RALYL: variants seen among roughly 807,000 people sequenced by gnomAD.
RALYL encodes the protein RNA-binding Raly-like protein.
Under a neutral mutation model 35.1 loss-of-function variants are expected in RALYL, and 29 were observed. The ratio of observed to expected loss-of-function variants is 0.83; its 90% CI spans 0.61 to 1.13. The LOEUF (loss-of-function observed/expected upper bound fraction) is 1.13, where lower values mean the gene tolerates loss of function less well. Among genes scored for constraint, RALYL ranks in the 50% most tolerant of loss-of-function variants. RALYL has a pLI of 0.00. For missense variants in RALYL, 359 were observed against 360.4 expected, an observed-to-expected ratio of 1.00 and a Z score of 0.03; for synonymous variants, 120 against 127.6, an observed-to-expected ratio of 0.94 and a Z score of 0.40.
chr8:84,417,325 G>A (rs1460794234), intron 1 of RALYL, among the ~76,000 whole-genome samples: 1 of 151,966 alleles, frequency 6.6e-6, no homozygotes, highest in African/African-American at 2.4e-5. Flanking sequence ...GAATCTCTTG[G>A]GCAAGGTAGG....
intron 1 of RALYL, among the ~76,000 whole-genome samples, chr8:84,210,132 T>G (rs1179006039): frequency 6.6e-6 from 1 of 152,162 alleles, no homozygotes; most frequent in Non-Finnish European, 1.5e-5. Context: ...CTGATGTTTT[T>G]GAAATGCACC....
At chr8:84,208,314 G>T (rs911826661) in intron 1 of RALYL, among the ~76,000 whole-genome samples, 1 of 151,976 alleles carries the variant, frequency 6.6e-6, no homozygotes, top group African/African-American at 2.4e-5. Flanking sequence ...CTTTAAATCC[G>T]ATTTTTCTTT....
chr8:84,900,491 A>C (rs914969093), intron 8 of RALYL, among the ~76,000 whole-genome samples: 1 of 152,120 alleles, frequency 6.6e-6, no homozygotes, highest in Non-Finnish European at 1.5e-5. Context: ...AGCCTGACCA[A>C]CATGGAGAAA....
At chr8:84,486,078 A>G (rs1324668374) in intron 1 of RALYL, among the ~76,000 whole-genome samples, 2 of 140,518 alleles carry the variant, frequency 1.4e-5, no homozygotes, top group Non-Finnish European at 3.0e-5. Flanking sequence ...TCCACATGGT[A>G]TGATTCCCCA....
intron 2 of RALYL, among the ~76,000 whole-genome samples, chr8:84,540,168 T>C (rs2059928729): frequency 6.6e-6 from 1 of 151,610 alleles, no homozygotes; most frequent in South Asian, 2.1e-4. Flanking sequence ...AAAAATTGAG[T>C]TTTATTTATT....
At position 84,782,031 on chromosome 8, in the gene RALYL, GCACACACA is replaced by G. The variant is rs35098202; in HGVS notation, c.332+7402_332+7409del. Among the ~76,000 whole-genome samples, 974 of 148,642 alleles carry G rather than the reference GCACACACA, an allele frequency of 6.6e-3. 12 individuals carry two copies. The highest frequency in any genetic ancestry group is 0.022 in the African/African-American group (882 of 40,446). On this transcript the variant is annotated intron_variant, in intron 3 of 8. Transcript: ENST00000521268. ...ATACGTGCATGCTGTGCACACGCGC[GCACACACA>G]CACACACACACACACACACACACAG...
intron 1 of RALYL, among the ~76,000 whole-genome samples, chr8:84,490,093 G>GTGTGTGTA (rs2055109256): frequency 2.0e-5 from 1 of 49,582 alleles, no homozygotes; most frequent in Non-Finnish European, 4.6e-5. Flanking sequence ...GTGTGTGTGT[G>GTGTGTGTA]TGTGTGTGTG....
chr8:84,832,671 A>G (rs1022987982), intron 4 of RALYL, among the ~76,000 whole-genome samples: 12 of 152,164 alleles, frequency 7.9e-5, no homozygotes, highest in African/African-American at 2.9e-4. Context: ...CATTTTAACA[A>G]TGTAACTTAA....
At chr8:84,724,129 G>T (rs1403638804) in intron 2 of RALYL, among the ~76,000 whole-genome samples, 1 of 151,710 alleles carries the variant, frequency 6.6e-6, no homozygotes, top group Non-Finnish European at 1.5e-5. Context: ...GAAACATGAA[G>T]AAATTAAATC....
At chr8:84,813,985 T>C (rs1483460910) in intron 4 of RALYL, among the ~76,000 whole-genome samples, 1 of 149,190 alleles carries the variant, frequency 6.7e-6, no homozygotes, top group Non-Finnish European at 1.5e-5. Context: ...CACCTATGAG[T>C]GAGAACATGC....
intron 1 of RALYL, among the ~76,000 whole-genome samples, chr8:84,400,033 C>T (rs1391324184): frequency 6.6e-6 from 1 of 152,132 alleles, no homozygotes; most frequent in African/African-American, 2.4e-5. Context: ...AGGAGAGTCA[C>T]TCGAACCCAG....
At chr8:84,693,524 A>C (rs1838503653) in intron 2 of RALYL, among the ~76,000 whole-genome samples, 1 of 151,984 alleles carries the variant, frequency 6.6e-6, no homozygotes, top group Non-Finnish European at 1.5e-5. Flanking sequence ...AAACAATTGA[A>C]GATGAGATTT....
At chr8:84,870,447 G>T (rs1196150899) in intron 6 of RALYL, among the ~76,000 whole-genome samples, 1 of 147,808 alleles carries the variant, frequency 6.8e-6, no homozygotes, top group Non-Finnish European at 1.5e-5. Context: ...TAGTAGAGAC[G>T]GGGTTTTACC....
chr8:84,501,039 G>C lies in RALYL; in HGVS notation c.-23-28260G>C, dbSNP rs557060359. 3.5e-4 allele frequency among the ~76,000 whole-genome samples: 53 copies of C among 152,158 alleles called. No individual in the cohort carries two copies. The South Asian group carries it at 0.01, about 30-fold the overall frequency. ...TTTGAGATTCATGTTAATAAACCTT[G>C]AATGTAACATATAAGTCATCATCTA... On this transcript the variant is annotated intron_variant, in intron 1 of 8. Transcript: ENST00000521268.
At chr8:84,494,439 G>T (rs1214411081) in intron 1 of RALYL, among the ~76,000 whole-genome samples, 5 of 152,118 alleles carry the variant, frequency 3.3e-5, no homozygotes, top group African/African-American at 4.8e-5. Flanking sequence ...ATTCTGTGAA[G>T]AATGTTCATG....
chr8:84,484,924 G>A (rs1422675561), intron 1 of RALYL, among the ~76,000 whole-genome samples: 2 of 152,086 alleles, frequency 1.3e-5, no homozygotes, highest in Non-Finnish European at 2.9e-5. Flanking sequence ...ATGCTTAGCA[G>A]CTAGTGTTAT....
intron 1 of RALYL, among the ~76,000 whole-genome samples, chr8:84,436,734 C>T (rs2047772900): frequency 1.3e-5 from 2 of 151,294 alleles, no homozygotes; most frequent in Admixed American, 1.3e-4. Flanking sequence ...CATACACATA[C>T]ATCTGTGAAA....
chr8:84,482,626 A>G (rs928089180), intron 1 of RALYL, among the ~76,000 whole-genome samples: 1 of 152,050 alleles, frequency 6.6e-6, no homozygotes, highest in Non-Finnish European at 1.5e-5. Context: ...ACAGATATCC[A>G]AAACAAAGAG....
At chr8:84,736,792 C>T (rs1280662522) in intron 2 of RALYL, among the ~76,000 whole-genome samples, 1 of 152,014 alleles carries the variant, frequency 6.6e-6, no homozygotes, top group Non-Finnish European at 1.5e-5. Context: ...GAGGTCTTTA[C>T]CTGAAGTTTA....
Sources: gnomAD v4.1 joint callset for allele counts (sites outside exome capture counted in the v4.1 genomes callset) on GRCh38, gnomAD v4.1.1 for gene constraint, MANE v1.5 for transcripts, NCBI Gene and HGNC (gene_info 2026-07-23, HGNC 2026-07-21) for gene names.